Variants in TMEM220 observed in about 807,000 individuals in gnomAD.
The protein encoded by TMEM220 is transmembrane protein 220.
Under a neutral mutation model 21.7 loss-of-function variants are expected in TMEM220, and 21 were observed. The ratio of observed to expected loss-of-function variants is 0.97; its 90% CI spans 0.69 to 1.39. The LOEUF is 1.39. TMEM220 is among the 40% of genes most tolerant of loss of function. The pLI is 0.00. For synonymous variants in TMEM220, 80 were observed against 73.6 expected, an observed-to-expected ratio of 1.09 and a Z score of -0.45; for missense variants, 191 against 201.9, an observed-to-expected ratio of 0.95 and a Z score of 0.33.
At chr17:10,728,455 G>A (rs973892647) in intron 2 of TMEM220, among the ~76,000 whole-genome samples, 1 of 151,800 alleles carries the variant, frequency 6.6e-6, no homozygotes, top group Non-Finnish European at 1.5e-5. Flanking sequence ...GACTACAGGC[G>A]CATGCCACCA....
intron 3 of TMEM220, 100 bp downstream of exon 3, chr17:10,726,104 A>G (rs1212248111): frequency 5.5e-6 from 5 of 907,354 alleles, no homozygotes; most frequent in African/African-American, 1.6e-5. Context: ...AGAAAGGCCT[A>G]GAGAGCCCCG....
intron 2 of TMEM220, 90 bp downstream of exon 2, chr17:10,728,941 G>T: frequency 7.3e-7 from 1 of 1,368,766 alleles, no homozygotes; most frequent in Non-Finnish European, 1.0e-6. Flanking sequence ...AATTAAGCAG[G>T]GAGGAGGGGT....
chr17:10,725,972 A>AAG (rs1288491674), intron 3 of TMEM220, among the ~76,000 whole-genome samples: 1 of 152,212 alleles, frequency 6.6e-6, no homozygotes, highest in Non-Finnish European at 1.5e-5. Context: ...GAAAGTGAAG[A>AAG]AGAATCTGTC....
At position 10,713,330 on chromosome 17, in the gene TMEM220, T is replaced by C. The variant is rs1046289893; in HGVS notation, c.*2123A>G. 6 of 151,546 alleles carry C rather than the reference T, an allele frequency of 4.0e-5. No homozygotes were observed. The highest frequency in any genetic ancestry group is 8.8e-5 in the Non-Finnish European group (6 of 67,896). 9.4% of individuals were successfully genotyped at this position (151,546 alleles called of 1,614,324 possible). A position where few individuals can be genotyped will look rare whatever the true frequency, so the allele number is the denominator to read the frequency against. ...ATTAAATTTAATAATAATACTTAAATTCAATTTCATTAATACTCTTCAAAA... is the reference window on the plus strand; with the variant it reads ...ATTAAATTTAATAATAATACTTAAACTCAATTTCATTAATACTCTTCAAAA... On this transcript the variant is annotated 3_prime_UTR_variant, in exon 6 of 6. Coordinates refer to ENST00000341871, the MANE Select transcript of TMEM220 (RefSeq NM_001004313.3).
chr17:10,717,078 C>A (rs928340172), intron 5 of TMEM220, among the ~76,000 whole-genome samples: 1 of 151,090 alleles, frequency 6.6e-6, no homozygotes, highest in Non-Finnish European at 1.5e-5. Context: ...TTTTTAGATT[C>A]TTTTTTATTT....
At chr17:10,726,334 C>G in intron 2 of TMEM220, 70 bp from the exon 3 acceptor site, 1 of 1,279,160 alleles carries the variant, frequency 7.8e-7, no homozygotes, top group South Asian at 1.2e-5. Context: ...TTCAGAGATA[C>G]AGGAAGTAAA....
intron 5 of TMEM220, among the ~76,000 whole-genome samples, chr17:10,719,472 G>A (rs986167804): frequency 6.6e-5 from 10 of 152,054 alleles, no homozygotes; most frequent in African/African-American, 2.4e-4. Flanking sequence ...TGCACCATTT[G>A]GCCAGGCTGG....
chr17:10,727,799 G>A (rs745430641), intron 2 of TMEM220, among the ~76,000 whole-genome samples: 2 of 152,084 alleles, frequency 1.3e-5, no homozygotes, highest in Non-Finnish European at 2.9e-5. Flanking sequence ...CATCTCCTTG[G>A]TGTACTGTAC....
In TMEM220 at chr17:10,715,600, C is replaced by G; in HGVS notation, c.348-12G>C. On this transcript the variant is annotated splice_polypyrimidine_tract_variant and intron_variant, in intron 5 of 5. Coordinates refer to ENST00000341871, the MANE Select transcript of TMEM220 (RefSeq NM_001004313.3). Reference sequence around the variant, plus strand: ...CACCAACTGGATTCCTATAAAGACACAAAAATTATTATAAATAAAAATCAT... The same window carrying G: ...CACCAACTGGATTCCTATAAAGACAGAAAAATTATTATAAATAAAAATCAT... 1 of 1,552,938 alleles carries G rather than the reference C, an allele frequency of 6.4e-7. No individual in the cohort carries two copies. Among genetic ancestry groups the G allele is most frequent in the East Asian group, 2.3e-5 (1 of 43,568 alleles).
At chr17:10,729,738 C>G (rs1011154799) in intron 1 of TMEM220, 42 bp downstream of exon 1, 5 of 1,317,198 alleles carry the variant, frequency 3.8e-6, no homozygotes, top group Non-Finnish European at 4.9e-6. Flanking sequence ...GGGGGCGGAG[C>G]TGGGAGCCGG....
At chr17:10,722,984 CT>C (rs11463233) in intron 5 of TMEM220, among the ~76,000 whole-genome samples, 8,132 of 139,510 alleles carry the variant, frequency 0.058, 260 homozygotes, top group East Asian at 0.1. Flanking sequence ...GATGTGATTT[CT>C]TTTTTTTTTT....
chr17:10,715,208 ATTCTC>A lies in TMEM220; in HGVS notation c.*240_*244del. ...TTAGAACTCGTATTTTTAAACTTCTATTCTCTAGCCTTTTCCACTACATTATGACA... is the reference window on the plus strand; with the variant it reads ...TTAGAACTCGTATTTTTAAACTTCTATAGCCTTTTCCACTACATTATGACA... On this transcript the variant is annotated 3_prime_UTR_variant, in exon 6 of 6. Transcript: ENST00000341871. The A allele has an allele frequency of 3.2e-6, 1 of 310,762 alleles. No individual in the cohort carries two copies. Among genetic ancestry groups the A allele is most frequent in the Non-Finnish European group, 5.8e-6 (1 of 171,008 alleles). The allele number at this position is 310,762 out of a possible 1,614,324, so 19.3% of individuals were successfully genotyped here.
intron 2 of TMEM220, among the ~76,000 whole-genome samples, chr17:10,727,122 G>GA (rs1362147567): frequency 1.3e-5 from 2 of 152,142 alleles, no homozygotes; most frequent in Admixed American, 6.6e-5. Context: ...GAGCATGAAT[G>GA]AAAGGTAAAA....
intron 5 of TMEM220, among the ~76,000 whole-genome samples, chr17:10,719,807 A>G (rs937704666): frequency 6.6e-6 from 1 of 152,248 alleles, no homozygotes; most frequent in African/African-American, 2.4e-5. Context: ...AAAGGAAAAT[A>G]ACAAACTGCA....
chr17:10,724,964 T>C (rs1294917255), intron 4 of TMEM220, 47 bp downstream of exon 4: 2 of 1,612,666 alleles, frequency 1.2e-6, no homozygotes, highest in South Asian at 1.1e-5. Flanking sequence ...ATTCCTTAGT[T>C]CTATCCCACA....
chr17:10,729,204 A>T, intron 1 of TMEM220, 144 bp from the exon 2 acceptor site: 1 of 836,060 alleles, frequency 1.2e-6, no homozygotes, highest in Non-Finnish European at 1.9e-6. Context: ...AACAGGATAT[A>T]GTCCAGATGA....
chr17:10,725,093 A>G lies in TMEM220; in HGVS notation c.205T>C (p.Phe69Leu), dbSNP rs1438534465. The G allele has an allele frequency of 6.2e-7, 1 of 1,614,214 alleles. No individual in the cohort carries two copies. Among genetic ancestry groups the G allele is most frequent in the Non-Finnish European group, 8.5e-7 (1 of 1,180,042 alleles). The change falls in exon 4 of 6, where the codon TTT (phenylalanine) becomes CTT (leucine). Residue 69 changes from phenylalanine to leucine, a missense_variant. Physicochemically the swap from Phe to Leu is conservative, Grantham distance 22. Coordinates refer to ENST00000341871, the MANE Select transcript of TMEM220 (RefSeq NM_001004313.3). Reference protein sequence around the residue: ...WKSISAIHILFCTVWAVGLAS... With the variant: ...WKSISAIHILLCTVWAVGLAS... ...AAGCCAACAGCCCACACCGTACAAA[A>G]GAGTATGTGTATTGCAGAGATACTT... is the stretch of plus-strand genomic sequence containing the variant.
intron 1 of TMEM220, 43 bp downstream of exon 1, chr17:10,729,737 G>A (rs892814239): frequency 2.3e-6 from 3 of 1,316,424 alleles, no homozygotes; most frequent in African/African-American, 1.5e-5. Flanking sequence ...AGGGGGCGGA[G>A]CTGGGAGCCG....
At chr17:10,722,360 CT>C (rs2075003196) in intron 5 of TMEM220, among the ~76,000 whole-genome samples, 1 of 152,100 alleles carries the variant, frequency 6.6e-6, no homozygotes, top group Non-Finnish European at 1.5e-5. Context: ...AAATCTTTAC[CT>C]TTACATTTAA....
Sources: allele counts gnomAD v4.1 joint callset (sites outside exome capture counted in the v4.1 genomes callset), GRCh38; gene constraint gnomAD v4.1.1; transcripts MANE v1.5; gene names NCBI Gene and HGNC (gene_info 2026-07-23, HGNC 2026-07-21).